MRPS31: variants seen among roughly 807,000 people sequenced by gnomAD.
MRPS31 encodes small ribosomal subunit protein mS31.
Under a neutral mutation model 43.1 loss-of-function variants are expected in MRPS31, and 32 were observed. The observed-to-expected ratio is 0.74, with a 90% confidence interval of 0.56 to 1.00. The LOEUF (loss-of-function observed/expected upper bound fraction) is 1.00. MRPS31 is among the 50% of genes least tolerant of loss of function. The pLI is 0.00. For missense variants in MRPS31, 437 were observed against 466.7 expected (o/e 0.94, Z 0.59); for synonymous variants, 165 against 161.6 (o/e 1.02, Z -0.16).
chr13:40,770,978 G>T lies in MRPS31; in HGVS notation c.152+7C>A. 1 of 1,614,076 alleles carries T rather than the reference G, an allele frequency of 6.2e-7. No individual in the cohort carries two copies. The highest frequency in any genetic ancestry group is 1.3e-5 in the African/African-American group (1 of 75,028). The stretch of plus-strand genomic sequence containing the variant: ...AGGACGGGGCACGGGGTTGCCTGAG[G>T]ACCTACCGGGCCAACAGCGCTGAAC... On this transcript the variant is annotated splice_region_variant and intron_variant, in intron 1 of 6. Coordinates refer to ENST00000323563, the MANE Select transcript of MRPS31 (RefSeq NM_005830.4).
chr13:40,734,958 G>C (rs953081479), intron 6 of MRPS31, among the ~76,000 whole-genome samples: 25 of 152,230 alleles, frequency 1.6e-4, no homozygotes, highest in African/African-American at 6.0e-4. Context: ...AACAGCTCCA[G>C]TCTACAGCTC....
At chr13:40,743,316 CAAA>C (rs1219480963) in intron 6 of MRPS31, among the ~76,000 whole-genome samples, 3 of 117,922 alleles carry the variant, frequency 2.5e-5, no homozygotes, top group Non-Finnish European at 1.8e-5. Flanking sequence ...AACTCTGTCT[CAAA>C]AAAAAAAAAA....
intron 5 of MRPS31, among the ~76,000 whole-genome samples, chr13:40,751,733 C>G (rs1358760023): frequency 3.3e-5 from 5 of 152,112 alleles, no homozygotes; most frequent in Admixed American, 6.5e-5. Flanking sequence ...TTTTGCTATT[C>G]TTGTATTTAA....
At chr13:40,765,101 C>T (rs551032202) in intron 2 of MRPS31, among the ~76,000 whole-genome samples, 1 of 152,156 alleles carries the variant, frequency 6.6e-6, no homozygotes, top group Admixed American at 6.5e-5. Context: ...TTAAAAGACA[C>T]CTTTTTAAAA....
intron 6 of MRPS31, among the ~76,000 whole-genome samples, chr13:40,737,731 GA>G (rs1489738070): frequency 6.6e-6 from 1 of 152,102 alleles, no homozygotes; most frequent in African/African-American, 2.4e-5. Context: ...GATGTTCTTT[GA>G]AACCAACGAG....
At chr13:40,769,344 C>T (rs565512645) in intron 1 of MRPS31, among the ~76,000 whole-genome samples, 4 of 137,766 alleles carry the variant, frequency 2.9e-5, no homozygotes, top group African/African-American at 1.1e-4. Context: ...CACTGCACTC[C>T]AGCCTAAGCG....
chr13:40,760,204 T>C (rs1035514774), intron 2 of MRPS31, among the ~76,000 whole-genome samples: 2 of 147,776 alleles, frequency 1.4e-5, no homozygotes, highest in African/African-American at 5.1e-5. Context: ...AACACTAATC[T>C]GAGGTGAAAA....
At chr13:40,757,440 CTTT>C (rs11291870) in intron 3 of MRPS31, among the ~76,000 whole-genome samples, 1 of 96,926 alleles carries the variant, frequency 1.0e-5, no homozygotes, top group African/African-American at 4.5e-5. Flanking sequence ...CTATGTCTTC[CTTT>C]TTTTTTTTTT....
Position 40,729,395 on chromosome 13 carries a change from C to A in MRPS31, c.1165G>T (p.Glu389Ter). 6.6e-7 allele frequency: 1 copy of A among 1,523,034 alleles called. No homozygotes were observed. Among genetic ancestry groups the A allele is most frequent in the Non-Finnish European group, 9.0e-7 (1 of 1,110,180 alleles). 94.3% of individuals were successfully genotyped at this position (1,523,034 alleles called of 1,614,324 possible). ...TCTTAATTGAACTGTATGTTACTTTCTTTTAGAATATCCTTTTTTTCATTA... is the reference window on the plus strand; with the variant it reads ...TCTTAATTGAACTGTATGTTACTTTATTTTAGAATATCCTTTTTTTCATTA... ...YFNEKKDILK[E>*]SNIQFN Residue 389 changes from glutamate to a stop codon, truncating the protein, a stop_gained, in exon 7 of 7, where the codon GAA becomes TAA. Coordinates refer to ENST00000323563, the MANE Select transcript of MRPS31 (RefSeq NM_005830.4). LOFTEE classifies it high-confidence loss of function.
intron 6 of MRPS31, among the ~76,000 whole-genome samples, chr13:40,736,107 C>A (rs1341128101): frequency 5.6e-4 from 83 of 147,718 alleles, no homozygotes; most frequent in African/African-American, 1.7e-3. Flanking sequence ...GAGCTGAAAA[C>A]CAAGGCTCGA....
chr13:40,741,888 TACACACACACACACACACAC>T (rs61011673), intron 6 of MRPS31, among the ~76,000 whole-genome samples: 14 of 140,758 alleles, frequency 9.9e-5, no homozygotes, highest in South Asian at 9.4e-4. Context: ...AGTAACAAAA[TACACACACACACACACACAC>T]ACACACACAC....
At position 40,757,020 on chromosome 13, in the gene MRPS31, T is replaced by C. The variant is rs1880549786; in HGVS notation, c.600-7A>G. 6.3e-7 allele frequency: 1 copy of C among 1,598,880 alleles called. No homozygotes were observed. Among genetic ancestry groups the C allele is most frequent in the Non-Finnish European group, 8.5e-7 (1 of 1,173,734 alleles). ...TGATATTATGTTACTGAAACTGAAA[T>C]AATAAAAAGGTCAAGTGTATTAGAA... On this transcript the variant is annotated splice_polypyrimidine_tract_variant and splice_region_variant and intron_variant, in intron 3 of 6. Transcript: ENST00000323563.
intron 6 of MRPS31, among the ~76,000 whole-genome samples, chr13:40,745,362 C>T (rs1266951917): frequency 6.6e-6 from 1 of 152,112 alleles, no homozygotes; most frequent in African/African-American, 2.4e-5. Context: ...AAGCCATTCT[C>T]CTGCCTCAGC....
At chr13:40,744,182 G>A (rs537934944) in intron 6 of MRPS31, among the ~76,000 whole-genome samples, 8 of 152,162 alleles carry the variant, frequency 5.3e-5, no homozygotes, top group Non-Finnish European at 1.0e-4. Flanking sequence ...GGGAATGACA[G>A]ACACTGGGGC....
At chr13:40,767,850 TAA>T (rs1367619759) in intron 1 of MRPS31, among the ~76,000 whole-genome samples, 1 of 152,188 alleles carries the variant, frequency 6.6e-6, no homozygotes, top group Non-Finnish European at 1.5e-5. Context: ...TTTCTATCAA[TAA>T]AAAAGATTAT....
At chr13:40,768,081 T>C (rs1467854752) in intron 1 of MRPS31, among the ~76,000 whole-genome samples, 1 of 152,244 alleles carries the variant, frequency 6.6e-6, no homozygotes, top group African/African-American at 2.4e-5. Flanking sequence ...TGCAAAAAGA[T>C]TTCCTAATTC....
intron 6 of MRPS31, among the ~76,000 whole-genome samples, chr13:40,735,443 C>T (rs1473309796): frequency 6.6e-6 from 1 of 152,178 alleles, no homozygotes; most frequent in East Asian, 1.9e-4. Flanking sequence ...CTCAAGGAGG[C>T]CTGCCTGCCT....
At chr13:40,769,594 A>T (rs1880951182) in intron 1 of MRPS31, among the ~76,000 whole-genome samples, 1 of 151,812 alleles carries the variant, frequency 6.6e-6, no homozygotes, top group African/African-American at 2.4e-5. Flanking sequence ...CATAACTAGT[A>T]TCCTCATAAT....
chr13:40,746,997 G>A (rs1880255960), intron 6 of MRPS31, among the ~76,000 whole-genome samples: 1 of 152,104 alleles, frequency 6.6e-6, no homozygotes, highest in African/African-American at 2.4e-5. Flanking sequence ...CTCAGGATCT[G>A]GAACTTCTAA....
Sources: allele counts gnomAD v4.1 joint callset (sites outside exome capture counted in the v4.1 genomes callset), GRCh38; gene constraint gnomAD v4.1.1; transcripts MANE v1.5; gene names NCBI Gene and HGNC (gene_info 2026-07-23, HGNC 2026-07-21).